RPS6KA2: variants seen among roughly 807,000 people sequenced by gnomAD.
RPS6KA2 encodes the protein ribosomal protein S6 kinase A2, also known as ribosomal protein S6 kinase alpha-2.
A neutral mutation model predicts 91.8 loss-of-function variants in RPS6KA2; 42 were observed. The ratio of observed to expected loss-of-function variants is 0.46; its 90% CI spans 0.36 to 0.59. The LOEUF is 0.59. Among genes scored for constraint, RPS6KA2 ranks in the 20% least tolerant of loss-of-function variants. RPS6KA2 has a pLI of 0.00. For synonymous variants in RPS6KA2, 414 were observed against 393.6 expected, an observed-to-expected ratio of 1.05 and a Z score of -0.61; for missense variants, 798 against 978.5, an observed-to-expected ratio of 0.82 and a Z score of 2.46.
chr6:166,459,302 AAAC>A lies in RPS6KA2; in HGVS notation c.1075+144_1075+146del, dbSNP rs1333030381. 1 of 600,512 alleles carries A rather than the reference AAAC, an allele frequency of 1.7e-6. No individual in the cohort carries two copies. The highest frequency in any genetic ancestry group is 2.0e-5 in the South Asian group (1 of 50,310). The allele number at this position is 600,512 out of a possible 1,614,324, so 37.2% of individuals were successfully genotyped here. On this transcript the variant is annotated intron_variant, in intron 12 of 20. Transcript: ENST00000265678. This position sits in a 1 kb window ranked among gnomAD's most constrained non-coding sequence, Gnocchi z 4.9. ...TTAAACCTTTATCACTGAGCAGAGA[AAAC>A]AACAACAAAAAACCCAAACAGAATG... is the stretch of plus-strand genomic sequence containing the variant.
At chr6:166,483,378 T>C (rs1335153374) in intron 10 of RPS6KA2, among the ~76,000 whole-genome samples, 1 of 152,176 alleles carries the variant, frequency 6.6e-6, no homozygotes. Context: ...GCTGGGGCCG[T>C]GGCCTCCTGG....
intron 10 of RPS6KA2, among the ~76,000 whole-genome samples, chr6:166,479,344 T>C (rs1781101426): frequency 1.3e-5 from 2 of 152,150 alleles, no homozygotes; most frequent in African/African-American, 4.8e-5. Flanking sequence ...CCAAGAGCCA[T>C]GAGAAAGGGG....
chr6:166,820,739 C>CT (rs1255270962), intron 2 of RPS6KA2, among the ~76,000 whole-genome samples: 11 of 152,122 alleles, frequency 7.2e-5, no homozygotes, highest in Admixed American at 7.2e-4. Flanking sequence ...TTTTTCCATA[C>CT]TTATTATAGA....
intron 14 of RPS6KA2, among the ~76,000 whole-genome samples, chr6:166,440,869 A>AAG (rs1441603099): frequency 6.6e-6 from 1 of 152,260 alleles, no homozygotes; most frequent in Non-Finnish European, 1.5e-5. Flanking sequence ...GCCGCCGGTG[A>AAG]GTATTCTTGG....
rs6935893 is a variant in RPS6KA2 at position 166,493,885 on chromosome 6, G to T, written c.748-3144C>A. Among the ~76,000 whole-genome samples the T allele has an allele frequency of 3.2e-3, 494 of 152,302 alleles. 2 individuals are homozygous for T. The highest frequency in any genetic ancestry group is 0.011 in the African/African-American group (477 of 41,558). On this transcript the variant is annotated intron_variant, in intron 8 of 20. Transcript: ENST00000265678. This position sits in a 1 kb window ranked among gnomAD's most constrained non-coding sequence, Gnocchi z 4.7. ...CGACCTCAACAGTGCTGGCTGAGAA[G>T]CCCTGTCTAAAGGGACAGCTAAGGA... is the stretch of plus-strand genomic sequence containing the variant.
chr6:166,656,610 A>T (rs1286658844), intron 2 of RPS6KA2, among the ~76,000 whole-genome samples: 1 of 152,244 alleles, frequency 6.6e-6, no homozygotes, highest in African/African-American at 2.4e-5. Flanking sequence ...GGATGCGAAG[A>T]TGGATGGAAA....
At chr6:166,844,482 A>G (rs963444035) in intron 2 of RPS6KA2, among the ~76,000 whole-genome samples, 16 of 152,366 alleles carry the variant, frequency 1.1e-4, no homozygotes, top group African/African-American at 3.8e-4. Flanking sequence ...AGTTATCTAC[A>G]GTCAAGATGA....
intron 1 of RPS6KA2, among the ~76,000 whole-genome samples, chr6:166,556,659 T>A (rs1316008287): frequency 1.3e-5 from 2 of 152,066 alleles, no homozygotes; most frequent in African/African-American, 2.4e-5. Flanking sequence ...CAGGACATAA[T>A]ACAAACCTTC....
chr6:166,571,372 T>G (rs545052113), intron 1 of RPS6KA2, among the ~76,000 whole-genome samples: 1 of 152,180 alleles, frequency 6.6e-6, no homozygotes, highest in East Asian at 1.9e-4. Flanking sequence ...AGCAAAGAAC[T>G]CACCCTAAAA....
intron 2 of RPS6KA2, among the ~76,000 whole-genome samples, chr6:166,684,568 T>G (rs1788947953): frequency 6.6e-6 from 1 of 152,164 alleles, no homozygotes; most frequent in Non-Finnish European, 1.5e-5. Flanking sequence ...GAGGCTCACC[T>G]GTCCTGCATC....
chr6:166,683,144 G>A (rs369409692), intron 2 of RPS6KA2, among the ~76,000 whole-genome samples: 1 of 152,186 alleles, frequency 6.6e-6, no homozygotes, highest in African/African-American at 2.4e-5. Flanking sequence ...CATGCAACAT[G>A]ACTCTTTCTA....
intron 3 of RPS6KA2, among the ~76,000 whole-genome samples, chr6:166,528,090 C>T (rs11969535): frequency 0.2 from 29,667 of 151,930 alleles, 3,041 homozygotes; most frequent in African/African-American, 0.26. Context: ...CCAGTGAGGT[C>T]GCATGGTAAT....
At chr6:166,669,071 T>C (rs1788399389) in intron 2 of RPS6KA2, among the ~76,000 whole-genome samples, 2 of 151,952 alleles carry the variant, frequency 1.3e-5, no homozygotes, top group Non-Finnish European at 2.9e-5. Context: ...TTTTGTATTT[T>C]TTGGTTGAGA....
intron 8 of RPS6KA2, among the ~76,000 whole-genome samples, 197 bp downstream of exon 8, chr6:166,498,311 A>G (rs868684430): frequency 5.9e-5 from 9 of 152,234 alleles, no homozygotes; most frequent in African/African-American, 1.2e-4. Context: ...TTTGCATCCC[A>G]GCCCCACTTT....
At chr6:166,499,818 AAT>A (rs1337777859) in intron 7 of RPS6KA2, among the ~76,000 whole-genome samples, 1 of 129,440 alleles carries the variant, frequency 7.7e-6, no homozygotes, top group Non-Finnish European at 1.6e-5. Flanking sequence ...AGAACAGACT[AAT>A]ACAGGGACTT....
At chr6:166,573,568 A>C (rs1019493545) in intron 1 of RPS6KA2, among the ~76,000 whole-genome samples, 3 of 152,254 alleles carry the variant, frequency 2.0e-5, no homozygotes, top group African/African-American at 7.2e-5. Flanking sequence ...GTCAGGCTGC[A>C]GCTGACTTTT....
At chr6:166,861,988 C>T in intron 1 of RPS6KA2, 1 of 1,317,452 alleles carries the variant, frequency 7.6e-7, no homozygotes, top group Non-Finnish European at 1.1e-6. Context: ...ATAGCCAACT[C>T]TCTGACCCAT....
chr6:166,809,217 G>T (rs1255671380), intron 2 of RPS6KA2, among the ~76,000 whole-genome samples: 1 of 152,160 alleles, frequency 6.6e-6, no homozygotes, highest in Non-Finnish European at 1.5e-5. Context: ...GTCCTGGAAG[G>T]CTAAAGGCCT....
intron 2 of RPS6KA2, among the ~76,000 whole-genome samples, chr6:166,713,163 T>C (rs1789915964): frequency 6.6e-6 from 1 of 151,834 alleles, no homozygotes. Context: ...CTCTTCCCCA[T>C]CCCCCGGAAC....
Sources: allele counts gnomAD v4.1 joint callset (sites outside exome capture counted in the v4.1 genomes callset), GRCh38; gene constraint gnomAD v4.1.1; non-coding constraint Gnocchi (gnomAD v3.1); transcripts MANE v1.5; gene names NCBI Gene and HGNC (gene_info 2026-07-23, HGNC 2026-07-21).